Variants in WDR7 observed in about 807,000 individuals in gnomAD.
The protein encoded by WDR7 is WD repeat-containing protein 7.
In WDR7, 46 loss-of-function variants were observed where a neutral mutation model predicts 169.4. The ratio of observed to expected loss-of-function variants is 0.27; its 90% CI spans 0.21 to 0.35. The LOEUF (loss-of-function observed/expected upper bound fraction) is 0.35. Ranked by LOEUF, WDR7 falls within the 10% of genes least tolerant of loss-of-function variation. WDR7 has a pLI of 1.00. For synonymous variants in WDR7, 612 were observed against 666.8 expected, an observed-to-expected ratio of 0.92 and a Z score of 1.27; for missense variants, 1,534 against 1,859.3, an observed-to-expected ratio of 0.83 and a Z score of 3.22.
intron 12 of WDR7, among the ~76,000 whole-genome samples, chr18:56,707,990 C>T (rs2025998160): frequency 6.7e-6 from 1 of 149,126 alleles, no homozygotes; most frequent in South Asian, 2.1e-4. Flanking sequence ...AGAAAGTTTT[C>T]TGTGGCTGTA....
At chr18:56,979,018 G>A (rs539424036) in intron 26 of WDR7, among the ~76,000 whole-genome samples, 1 of 152,208 alleles carries the variant, frequency 6.6e-6, no homozygotes, top group Admixed American at 6.5e-5. Context: ...AGGCTGAAAT[G>A]GAACTTTAAG....
chr18:56,966,480 T>A (rs932797988), intron 26 of WDR7, among the ~76,000 whole-genome samples: 3 of 152,138 alleles, frequency 2.0e-5, no homozygotes, highest in Non-Finnish European at 4.4e-5. Flanking sequence ...CTTATGATTT[T>A]AATATTTTCT....
At chr18:56,950,732 T>G (rs1237489033) in intron 25 of WDR7, among the ~76,000 whole-genome samples, 1 of 152,228 alleles carries the variant, frequency 6.6e-6, no homozygotes, top group African/African-American at 2.4e-5. Flanking sequence ...AAACTTCTAC[T>G]TATTTTAAAG....
chr18:57,023,016 A>G (rs1264659376), intron 27 of WDR7, among the ~76,000 whole-genome samples: 2 of 152,248 alleles, frequency 1.3e-5, no homozygotes, highest in Non-Finnish European at 2.9e-5. Flanking sequence ...CACCCAGGTC[A>G]TTCTTGCCTC....
chr18:56,657,700 C>T (rs2024808142), intron 1 of WDR7, among the ~76,000 whole-genome samples: 1 of 152,172 alleles, frequency 6.6e-6, no homozygotes, highest in Non-Finnish European at 1.5e-5. Context: ...TTGTCTTTGT[C>T]TGTATCTGAT....
intron 1 of WDR7, among the ~76,000 whole-genome samples, chr18:56,655,618 CAAAAAAA>C (rs56899358): frequency 0.66 from 87,899 of 133,988 alleles, 31,292 homozygotes; most frequent in Non-Finnish European, 0.79. Context: ...GACCCTGTCT[CAAAAAAA>C]AAAAAAAAAA....
intron 21 of WDR7, among the ~76,000 whole-genome samples, chr18:56,885,938 T>A (rs1486367320): frequency 6.6e-6 from 1 of 152,002 alleles, no homozygotes; most frequent in African/African-American, 2.4e-5. Context: ...GAACAAAGCC[T>A]CCAAGAAGTT....
At chr18:56,888,559 A>C (rs750500668) in intron 21 of WDR7, among the ~76,000 whole-genome samples, 3 of 152,168 alleles carry the variant, frequency 2.0e-5, no homozygotes, top group Admixed American at 6.5e-5. Flanking sequence ...GTCTTGTTTT[A>C]TATCAGCACA....
intron 19 of WDR7, among the ~76,000 whole-genome samples, chr18:56,815,534 A>G (rs547241734): frequency 2.0e-5 from 3 of 152,182 alleles, no homozygotes; most frequent in Non-Finnish European, 4.4e-5. Flanking sequence ...ATTCCTTCAT[A>G]GAGGGAGATG....
At chr18:56,733,925 T>G (rs1332861988) in intron 14 of WDR7, among the ~76,000 whole-genome samples, 1 of 152,214 alleles carries the variant, frequency 6.6e-6, no homozygotes, top group Non-Finnish European at 1.5e-5. Context: ...TAGCAGCAGC[T>G]GCTGTGCAAT....
Position 56,935,923 on chromosome 18 carries a change from G to C in WDR7, c.3831+18G>C. On this transcript the variant is annotated intron_variant, in intron 23 of 27. Coordinates refer to ENST00000254442, the MANE Select transcript of WDR7 (RefSeq NM_015285.3). ...CCAAAGAGGTGAGCGGAACTTCTCA[G>C]TGTGCTCCATCTTCTCATTTAGAGG... 1 of 1,597,548 alleles carries C rather than the reference G, an allele frequency of 6.3e-7. No individual in the cohort carries two copies. Among genetic ancestry groups the C allele is most frequent in the Non-Finnish European group, 8.6e-7 (1 of 1,168,474 alleles).
chr18:56,918,685 TTTTCATA>T (rs2046665833), intron 21 of WDR7, among the ~76,000 whole-genome samples: 1 of 152,184 alleles, frequency 6.6e-6, no homozygotes, highest in Non-Finnish European at 1.5e-5. Flanking sequence ...TTGTTTATAT[TTTTCATA>T]TTTCACCATA....
At chr18:57,030,120 C>T (rs189328433), downstream of WDR7, 4 of 152,300 alleles carry the variant, frequency 2.6e-5, no homozygotes, top group East Asian at 1.9e-4. Flanking sequence ...GGCTGCCTCT[C>T]GGGAGCTAGG....
At chr18:56,799,429 T>A (rs1044937589) in intron 19 of WDR7, among the ~76,000 whole-genome samples, 4 of 151,912 alleles carry the variant, frequency 2.6e-5, no homozygotes, top group East Asian at 3.9e-4. Context: ...TGGTTTTTTT[T>A]ATTCATCAGA....
At chr18:57,004,603 C>A (rs2048029583) in intron 26 of WDR7, among the ~76,000 whole-genome samples, 1 of 152,078 alleles carries the variant, frequency 6.6e-6, no homozygotes, top group Non-Finnish European at 1.5e-5. Flanking sequence ...CTGCAACCTA[C>A]TAAACGTAAA....
intron 20 of WDR7, among the ~76,000 whole-genome samples, chr18:56,852,230 T>C (rs1202639404): frequency 1.3e-5 from 2 of 152,202 alleles, no homozygotes; most frequent in East Asian, 3.8e-4. Context: ...CTGGACCTTC[T>C]TACTACCTGG....
At chr18:56,724,391 G>A (rs2026394616) in intron 13 of WDR7, among the ~76,000 whole-genome samples, 2 of 151,552 alleles carry the variant, frequency 1.3e-5, no homozygotes, top group Non-Finnish European at 2.9e-5. Context: ...TGTATTTTTA[G>A]TAGAGATGGG....
At position 56,971,262 on chromosome 18, in the gene WDR7, A is replaced by G. The variant is rs576258216; in HGVS notation, c.4164+8733A>G. 1.3e-4 allele frequency among the ~76,000 whole-genome samples: 19 copies of G among 150,768 alleles called. No individual in the cohort carries two copies. The South Asian group carries it at 3.2e-3, about 25-fold the overall frequency. On this transcript the variant is annotated intron_variant, in intron 26 of 27. Transcript: ENST00000254442. ...CCACTGCACTCCAGCCTGAGCGACA[A>G]GAGCGAAATTCTGTCTCCCAAAAAA... is the stretch of plus-strand genomic sequence containing the variant.
At chr18:56,953,439 A>T (rs1285079897) in intron 25 of WDR7, among the ~76,000 whole-genome samples, 1 of 152,274 alleles carries the variant, frequency 6.6e-6, no homozygotes, top group East Asian at 1.9e-4. Flanking sequence ...CTCAACAAAT[A>T]GGAATCAAAA....
Sources: allele counts gnomAD v4.1 joint callset (sites outside exome capture counted in the v4.1 genomes callset), GRCh38; gene constraint gnomAD v4.1.1; transcripts MANE v1.5; gene names NCBI Gene and HGNC (gene_info 2026-07-23, HGNC 2026-07-21).